The following RBBP8 variants were observed in gnomAD, a reference collection of about 807,000 sequenced individuals.
RBBP8 encodes RB binding protein 8, endonuclease, also known as DNA endonuclease RBBP8.
Under a neutral mutation model 108.3 loss-of-function variants are expected in RBBP8, and 88 were observed. That is an observed-to-expected ratio of 0.81 (90% CI 0.68 to 0.97). RBBP8 has a LOEUF of 0.97. Ranked by LOEUF, RBBP8 falls within the 50% of genes least tolerant of loss-of-function variation. The probability of loss-of-function intolerance (pLI) is 0.00; values close to 1 mark genes in which losing one functional copy is unlikely to be tolerated. For missense variants in RBBP8, 1,023 were observed against 1,049.0 expected (o/e 0.98, Z 0.34); for synonymous variants, 332 against 348.2 (o/e 0.95, Z 0.52).
intron 8 of RBBP8, 101 bp from the exon 9 acceptor site, chr18:22,989,120 A>T (rs1176876246): frequency 3.7e-6 from 3 of 806,078 alleles, no homozygotes; most frequent in African/African-American, 3.5e-5. Context: ...ATGAAGTGTG[A>T]GCCTTTTCCT....
chr18:23,008,769 A>ATTTTT (rs71161355), intron 16 of RBBP8, among the ~76,000 whole-genome samples: 18 of 100,006 alleles, frequency 1.8e-4, no homozygotes, highest in African/African-American at 4.5e-4. Flanking sequence ...TATGACTTTG[A>ATTTTT]TTTTTTTTTT....
At chr18:22,994,200 T>G (rs2045808524) in intron 12 of RBBP8, among the ~76,000 whole-genome samples, 1 of 149,466 alleles carries the variant, frequency 6.7e-6, no homozygotes, top group African/African-American at 2.4e-5. Context: ...TTTTTTTGTA[T>G]TTTTAGTAGA....
chr18:22,933,273 G>A (rs1411214096), upstream of RBBP8: 1 of 152,216 alleles, frequency 6.6e-6, no homozygotes, highest in Non-Finnish European at 1.5e-5. Flanking sequence ...AGGGCACGAA[G>A]TGCGCCGCCG....
intron 16 of RBBP8, among the ~76,000 whole-genome samples, chr18:23,008,100 C>G (rs1424421745): frequency 6.6e-6 from 1 of 152,178 alleles, no homozygotes; most frequent in Non-Finnish European, 1.5e-5. Context: ...GCGTGAACCA[C>G]CACGCCTGGC....
upstream of RBBP8, among the ~76,000 whole-genome samples, chr18:22,932,434 GT>G (rs1207017313): frequency 1.2e-4 from 19 of 152,124 alleles, no homozygotes; most frequent in Non-Finnish European, 2.4e-4. Flanking sequence ...CTAATAGAAG[GT>G]TTAGCACCCC....
At chr18:22,995,807 A>C (rs2045846683) in intron 12 of RBBP8, among the ~76,000 whole-genome samples, 1 of 152,162 alleles carries the variant, frequency 6.6e-6, no homozygotes, top group Non-Finnish European at 1.5e-5. Context: ...GCTGACATTC[A>C]AGTTGTCACT....
intron 6 of RBBP8, among the ~76,000 whole-genome samples, chr18:22,977,424 T>C (rs1309435627): frequency 6.6e-6 from 1 of 152,054 alleles, no homozygotes; most frequent in Admixed American, 6.6e-5. Context: ...AGGGCAGTTA[T>C]TAGTGACACC....
chr18:22,985,269 A>T lies in RBBP8; in HGVS notation c.709+279A>T, dbSNP rs1267265216. Among the ~76,000 whole-genome samples the T allele has an allele frequency of 2.0e-5, 3 of 152,200 alleles. No individual in the cohort carries two copies. The East Asian group carries it at 5.8e-4, about 29-fold the overall frequency. ...ACAAATATTGAAGCATCTGTTGTAT[A>T]CCAGGCACTGAATAAAACAAAGCCC... is the stretch of plus-strand genomic sequence containing the variant. On this transcript the variant is annotated intron_variant, in intron 8 of 18. Coordinates refer to ENST00000327155, the MANE Select transcript of RBBP8 (RefSeq NM_002894.3).
intron 16 of RBBP8, among the ~76,000 whole-genome samples, chr18:23,007,334 A>AT (rs903246486): frequency 1.3e-5 from 2 of 151,516 alleles, no homozygotes; most frequent in East Asian, 1.9e-4. Flanking sequence ...CTGTTTTATT[A>AT]TTTTTTTTAA....
At chr18:22,917,925 G>A (rs898644255) in intron 3 of RBBP8, among the ~76,000 whole-genome samples, 8 of 150,274 alleles carry the variant, frequency 5.3e-5, no homozygotes, top group Middle Eastern at 3.5e-3. Flanking sequence ...TTGAACCTGG[G>A]AGGCAGAGGT....
upstream of RBBP8, among the ~76,000 whole-genome samples, chr18:22,929,597 T>C (rs1264142560): frequency 6.6e-6 from 1 of 151,286 alleles, no homozygotes; most frequent in African/African-American, 2.4e-5. Flanking sequence ...ATTCAGCCTA[T>C]ACTGCAGTTT....
At position 22,992,891 on chromosome 18, in the gene RBBP8, A is replaced by C. The variant is rs1057343003; in HGVS notation, c.1064A>C (p.Lys355Thr). The C allele has an allele frequency of 1.2e-6, 2 of 1,613,954 alleles. No individual in the cohort carries two copies. The highest frequency in any genetic ancestry group is 1.7e-5 in the Admixed American group (1 of 60,008). Reference sequence around the variant, plus strand: ...TCCCCTTCTCTTTTACAGCCTGGGAAAAAAAAACATCTGAAAACACTCCCT... The same window carrying C: ...TCCCCTTCTCTTTTACAGCCTGGGACAAAAAAACATCTGAAAACACTCCCT... ...SLSPSLLQPG[K>T]KKHLKTLPFS... The change falls in exon 11 of 19, where the codon AAA becomes ACA. Residue 355 changes from lysine (K) to threonine (T), a missense_variant. By Grantham distance (78) the Lys-to-Thr change is moderately conservative. Coordinates refer to ENST00000327155, the MANE Select transcript of RBBP8 (RefSeq NM_002894.3).
chr18:22,934,481 C>CT (rs1248024985), intron 1 of RBBP8, among the ~76,000 whole-genome samples: 6 of 150,756 alleles, frequency 4.0e-5, no homozygotes, highest in East Asian at 1.9e-4. Context: ...TTTATGTCTT[C>CT]TTTTTTTTTC....
At chr18:23,016,947 ATT>A in intron 17 of RBBP8, 23 bp downstream of exon 17, 2 of 1,520,700 alleles carry the variant, frequency 1.3e-6, no homozygotes, top group Non-Finnish European at 1.8e-6. Flanking sequence ...GTAGATACTA[ATT>A]TTTTTTTAAG....
At chr18:22,960,351 G>A (rs1443194675) in intron 4 of RBBP8, among the ~76,000 whole-genome samples, 1 of 152,168 alleles carries the variant, frequency 6.6e-6, no homozygotes, top group South Asian at 2.1e-4. Context: ...AAAAGTTTGA[G>A]ACCAGCCGGG....
chr18:22,997,380 C>T (rs889770835), intron 13 of RBBP8, among the ~76,000 whole-genome samples: 37 of 152,222 alleles, frequency 2.4e-4, no homozygotes, highest in African/African-American at 8.7e-4. Context: ...AATAATTCTC[C>T]CTTTCCTTGG....
intron 13 of RBBP8, among the ~76,000 whole-genome samples, chr18:22,996,894 G>A (rs1019340479): frequency 6.6e-6 from 1 of 152,150 alleles, no homozygotes; most frequent in Non-Finnish European, 1.5e-5. Flanking sequence ...CTACTTGGGA[G>A]GCTGAGGTTG....
intron 5 of RBBP8, among the ~76,000 whole-genome samples, chr18:22,973,689 T>C (rs1914290603): frequency 6.6e-6 from 1 of 152,240 alleles, no homozygotes; most frequent in South Asian, 2.1e-4. Flanking sequence ...TTTAATTTCT[T>C]AACCTGCTAT....
At chr18:23,012,596 GA>G (rs2046188112) in intron 16 of RBBP8, among the ~76,000 whole-genome samples, 1 of 152,184 alleles carries the variant, frequency 6.6e-6, no homozygotes, top group Non-Finnish European at 1.5e-5. Flanking sequence ...AGCTGCAGAA[GA>G]AAAGTTTGAA....
Sources: allele counts gnomAD v4.1 joint callset (sites outside exome capture counted in the v4.1 genomes callset), GRCh38; gene constraint gnomAD v4.1.1; transcripts MANE v1.5; gene names NCBI Gene and HGNC (gene_info 2026-07-23, HGNC 2026-07-21).